Variants in ATP10B observed in about 807,000 individuals in gnomAD.
The protein encoded by ATP10B is phospholipid-transporting ATPase VB.
Under a neutral mutation model 141.2 loss-of-function variants are expected in ATP10B, and 122 were observed. That is an observed-to-expected ratio of 0.86 (90% CI 0.75 to 1.00). ATP10B has a LOEUF of 1.00. ATP10B is among the 50% of genes least tolerant of loss of function. ATP10B has a pLI of 0.00. For missense variants in ATP10B, 1,876 were observed against 1,825.3 expected, an observed-to-expected ratio of 1.03 and a Z score of -0.51; for synonymous variants, 685 against 692.0, an observed-to-expected ratio of 0.99 and a Z score of 0.16.
At chr5:160,914,478 A>T in the ATP10B span, among the ~76,000 whole-genome samples, 1 of 152,190 alleles carries the variant, frequency 6.6e-6, no homozygotes, top group Non-Finnish European at 1.5e-5. Flanking sequence ...CTCCTGTATA[A>T]ATCGTCTCTA....
At chr5:160,725,555 C>T (rs1766283288) in intron 2 of ATP10B, among the ~76,000 whole-genome samples, 1 of 152,104 alleles carries the variant, frequency 6.6e-6, no homozygotes, top group Non-Finnish European at 1.5e-5. Context: ...ATGCCATTCT[C>T]CTGCCTCAGC....
intron 7 of ATP10B, among the ~76,000 whole-genome samples, chr5:160,669,087 A>G (rs1296399805): frequency 6.6e-6 from 1 of 152,252 alleles, no homozygotes; most frequent in African/African-American, 2.4e-5. Context: ...AAAGGCTGGC[A>G]GAATGAAGAA....
intron 25 of ATP10B, among the ~76,000 whole-genome samples, chr5:160,568,276 T>C (rs530912343): frequency 6.6e-6 from 1 of 151,934 alleles, no homozygotes; most frequent in South Asian, 2.1e-4. Flanking sequence ...CTGCTAAAAA[T>C]TTTTAAATCC....
chr5:160,692,661 A>C (rs547446443), intron 3 of ATP10B: 1 of 152,370 alleles, frequency 6.6e-6, no homozygotes, highest in East Asian at 1.9e-4. Flanking sequence ...AGCTGACGCC[A>C]ACCAGTTTGA....
chr5:160,673,341 G>C (rs7704644), intron 6 of ATP10B, among the ~76,000 whole-genome samples: 3 of 151,678 alleles, frequency 2.0e-5, no homozygotes, highest in Non-Finnish European at 4.4e-5. Context: ...GGATGCTTTC[G>C]TACAGGCATG....
chr5:160,832,981 T>A (rs1775194498), intron 1 of ATP10B, among the ~76,000 whole-genome samples: 1 of 152,162 alleles, frequency 6.6e-6, no homozygotes, highest in Non-Finnish European at 1.5e-5. Flanking sequence ...ATGGCATGTG[T>A]GCCAAGTGCG....
chr5:160,893,187 C>T, the ATP10B span, among the ~76,000 whole-genome samples: 319 of 152,152 alleles, frequency 2.1e-3, 1 homozygote, highest in African/African-American at 7.3e-3. Context: ...CTGGAATGCC[C>T]GTGAGACAGA....
At chr5:160,825,229 T>G (rs1443267649) in intron 1 of ATP10B, among the ~76,000 whole-genome samples, 6 of 152,310 alleles carry the variant, frequency 3.9e-5, no homozygotes, top group Admixed American at 3.9e-4. Context: ...TTGTTGAATA[T>G]GAGTGATATG....
At chr5:160,866,029 G>T in the ATP10B span, among the ~76,000 whole-genome samples, 7 of 152,254 alleles carry the variant, frequency 4.6e-5, no homozygotes, top group African/African-American at 1.7e-4. Flanking sequence ...ACTAAAAGTA[G>T]AACTACCATT....
intron 1 of ATP10B, among the ~76,000 whole-genome samples, chr5:160,829,825 TC>T (rs200811659): frequency 0.011 from 1,698 of 152,274 alleles, 109 homozygotes; most frequent in Admixed American, 0.1. Context: ...CTTGTTAAAC[TC>T]ATTTATCAGT....
At chr5:160,671,556 T>A (rs2127726809) in intron 6 of ATP10B, among the ~76,000 whole-genome samples, 1 of 152,260 alleles carries the variant, frequency 6.6e-6, no homozygotes, top group East Asian at 1.9e-4. Context: ...ACCAGGAGTT[T>A]TGATGAAATG....
chr5:160,705,498 T>G (rs1764958747), intron 3 of ATP10B, among the ~76,000 whole-genome samples: 1 of 152,112 alleles, frequency 6.6e-6, no homozygotes, highest in Non-Finnish European at 1.5e-5. Context: ...CAAGTGTGAT[T>G]ACAATTGGGA....
At chr5:160,882,979 A>C in the ATP10B span, among the ~76,000 whole-genome samples, 8 of 152,180 alleles carry the variant, frequency 5.3e-5, no homozygotes, top group African/African-American at 1.4e-4. Flanking sequence ...TGAAGCCAAC[A>C]CAAAAATAAA....
At chr5:160,653,592 T>TATACATTAC (rs1554100789) in intron 7 of ATP10B, among the ~76,000 whole-genome samples, 8 of 7,280 alleles carry the variant, frequency 1.1e-3, no homozygotes, top group Non-Finnish European at 4.4e-3. Context: ...CATATATACA[T>TATACATTAC]ATATACATAT....
At position 160,671,450 on chromosome 5, in the gene ATP10B, C is replaced by T. The variant is rs149555812; in HGVS notation, c.471-783G>A. Among the ~76,000 whole-genome samples, 594 of 152,082 alleles carry T rather than the reference C, an allele frequency of 3.9e-3. 5 individuals are homozygous for T. The highest frequency in any genetic ancestry group is 0.013 in the African/African-American group (534 of 41,474). On this transcript the variant is annotated intron_variant, in intron 6 of 25. Coordinates refer to ENST00000327245, the MANE Select transcript of ATP10B (RefSeq NM_025153.3). The stretch of plus-strand genomic sequence containing the variant: ...TTGTTTTTGATTATAAGGAGAGTGA[C>T]GATAGGAAAGGCGAGGATCTCTGCC...
chr5:160,890,991 G>T, the ATP10B span, among the ~76,000 whole-genome samples: 1 of 130,704 alleles, frequency 7.7e-6, no homozygotes, highest in African/African-American at 2.6e-5. Flanking sequence ...TTGTTTACGT[G>T]TATGTGTGTG....
intron 11 of ATP10B, among the ~76,000 whole-genome samples, chr5:160,635,207 G>A (rs1759270817): frequency 6.6e-6 from 1 of 152,188 alleles, no homozygotes; most frequent in Non-Finnish European, 1.5e-5. Context: ...TTTGAACAGA[G>A]ATATGAGGAA....
chr5:160,807,480 AC>A (rs1772859545), intron 1 of ATP10B, among the ~76,000 whole-genome samples: 1 of 152,216 alleles, frequency 6.6e-6, no homozygotes, highest in African/African-American at 2.4e-5. Context: ...TGTAAAGAAT[AC>A]TTTGATAACT....
At chr5:160,897,854 T>A in the ATP10B span, among the ~76,000 whole-genome samples, 1 of 152,026 alleles carries the variant, frequency 6.6e-6, no homozygotes, top group African/African-American at 2.4e-5. Flanking sequence ...TATAGACCAA[T>A]GGAACAGAAC....
Sources: gnomAD v4.1 joint callset for allele counts (sites outside exome capture counted in the v4.1 genomes callset) on GRCh38, gnomAD v4.1.1 for gene constraint, MANE v1.5 for transcripts, NCBI Gene and HGNC (gene_info 2026-07-23, HGNC 2026-07-21) for gene names.